SLC22A23: variants seen among roughly 807,000 people sequenced by gnomAD.
SLC22A23 encodes the protein ion transporter protein.
SLC22A23 carries 26 observed loss-of-function variants against 61.0 expected under a neutral mutation model. That is an observed-to-expected ratio of 0.43 (90% CI 0.31 to 0.59). The LOEUF (loss-of-function observed/expected upper bound fraction) is 0.59. Ranked by LOEUF, SLC22A23 falls within the 20% of genes least tolerant of loss-of-function variation. The pLI, the probability that SLC22A23 is intolerant of heterozygous loss-of-function variation, is 0.11. For synonymous variants in SLC22A23, 430 were observed against 413.9 expected (o/e 1.04, Z -0.47); for missense variants, 796 against 934.7 (o/e 0.85, Z 1.94).
chr6:3,429,071 T>A (rs1770691052), intron 1 of SLC22A23, among the ~76,000 whole-genome samples: 1 of 152,176 alleles, frequency 6.6e-6, no homozygotes, highest in African/African-American at 2.4e-5. Flanking sequence ...CCATGTATAT[T>A]TTGTTTGCCC....
At chr6:3,415,468 C>G (rs1035067718) in intron 2 of SLC22A23, among the ~76,000 whole-genome samples, 7 of 152,242 alleles carry the variant, frequency 4.6e-5, no homozygotes, top group Admixed American at 4.6e-4. Flanking sequence ...CAAGCTCTTT[C>G]TAATGAAACG....
At position 3,342,547 on chromosome 6, in the gene SLC22A23, C is replaced by T. The variant is rs1156450332; in HGVS notation, c.914-18545G>A. 6.6e-6 allele frequency among the ~76,000 whole-genome samples: 1 copy of T among 152,132 alleles called. No individual in the cohort carries two copies. Among genetic ancestry groups the T allele is most frequent in the Non-Finnish European group, 1.5e-5 (1 of 68,018 alleles). On this transcript the variant is annotated intron_variant, in intron 3 of 9. Coordinates refer to ENST00000406686, the MANE Select transcript of SLC22A23 (RefSeq NM_015482.2). This position sits in a 1 kb window ranked among gnomAD's most constrained non-coding sequence, Gnocchi z 4.0. ...CCTTGACCCACAGCATCAGAGTCCC[C>T]CGGGGCCCTGAGCCCAGATTCCCAG... is the stretch of plus-strand genomic sequence containing the variant.
chr6:3,389,134 G>A (rs953909921), intron 3 of SLC22A23, among the ~76,000 whole-genome samples: 3 of 151,718 alleles, frequency 2.0e-5, no homozygotes, highest in African/African-American at 7.3e-5. Context: ...TGGGTGTGGT[G>A]GAGCATGCCT....
chr6:3,316,031 C>G (rs932865958), intron 4 of SLC22A23, among the ~76,000 whole-genome samples: 2 of 152,172 alleles, frequency 1.3e-5, no homozygotes, highest in African/African-American at 4.8e-5. Flanking sequence ...TCTTAAAACA[C>G]ACGCTGCCAG....
Position 3,286,893 on chromosome 6 carries a change from G to A in SLC22A23, c.1512C>T (p.Ala504=). Residue 504 remains alanine, a synonymous_variant, in exon 7 of 10, where the codon GCC becomes GCT. Transcript: ENST00000406686. This position sits in a 1 kb window ranked among gnomAD's most constrained non-coding sequence, Gnocchi z 4.2. ...GGCCGAGCTGCAGGAGTGAGGCCAG[G>A]GCGGTGAGGATCATGAAGAGCAGCA... The part of the protein sequence containing the change: ...GGLLLFMILT[A]LASLLQLGLL... The A allele has an allele frequency of 6.2e-7, 1 of 1,611,192 alleles. No individual in the cohort carries two copies. Among genetic ancestry groups the A allele is most frequent in the African/African-American group, 1.3e-5 (1 of 75,000 alleles).
At chr6:3,385,742 C>T (rs1445555374) in intron 3 of SLC22A23, among the ~76,000 whole-genome samples, 1 of 152,184 alleles carries the variant, frequency 6.6e-6, no homozygotes, top group Non-Finnish European at 1.5e-5. Context: ...TCAGTGCCAG[C>T]CACTCCTGAC....
Position 3,273,099 on chromosome 6 carries a change from T to C in SLC22A23, c.2017A>G (p.Thr673Ala). 1.3e-6 allele frequency: 2 copies of C among 1,595,452 alleles called. No homozygotes were observed. The highest frequency in any genetic ancestry group is 1.7e-6 in the Non-Finnish European group (2 of 1,172,664). ...GLHDAAAAGDTLPEGATANGM... is the reference protein window; with the variant it reads ...GLHDAAAAGDALPEGATANGM... ...TTGGCCGTGGCACCCTCGGGCAGTG[T>C]GTCACCCGCGGCTGCGGCATCGTGG... The change falls in exon 10 of 10, where the codon ACA (threonine) becomes GCA (alanine). Residue 673 changes from threonine to alanine, a missense_variant. Transcript: ENST00000406686.
chr6:3,287,358 G>A (rs1364601141), intron 6 of SLC22A23, among the ~76,000 whole-genome samples: 1 of 152,236 alleles, frequency 6.6e-6, no homozygotes, highest in Non-Finnish European at 1.5e-5. Flanking sequence ...GGGCACAAGA[G>A]CAGTGAGTCC....
chr6:3,355,835 C>G (rs904983772), intron 3 of SLC22A23, among the ~76,000 whole-genome samples: 1 of 151,142 alleles, frequency 6.6e-6, no homozygotes, highest in Admixed American at 6.6e-5. Flanking sequence ...TCACTCATTC[C>G]CTGTCTCCGC....
intron 5 of SLC22A23, chr6:3,290,345 T>G (rs1760467423): frequency 9.2e-6 from 2 of 217,986 alleles, no homozygotes; most frequent in South Asian, 1.3e-4. Flanking sequence ...ATATGCTTCT[T>G]AGCCTTGTGG....
At chr6:3,339,357 G>A (rs1764028540) in intron 3 of SLC22A23, among the ~76,000 whole-genome samples, 1 of 152,082 alleles carries the variant, frequency 6.6e-6, no homozygotes, top group Admixed American at 6.5e-5. Context: ...CATTCCCCAG[G>A]TGCAGCTGAG....
intron 9 of SLC22A23, among the ~76,000 whole-genome samples, chr6:3,283,039 G>A (rs1157893267): frequency 2.0e-5 from 3 of 152,166 alleles, no homozygotes; most frequent in East Asian, 1.9e-4. Context: ...TGTCTGGCGC[G>A]CAGTGGGCTC....
At position 3,390,866 on chromosome 6, in the gene SLC22A23, C is replaced by T. The variant is rs1767617817; in HGVS notation, c.913+19322G>A. ...TTCCAATGCGGAAGCTGGAGTTCTGCCCAGAAGCCGCACCCAGAGATCTGA... is the reference window on the plus strand; with the variant it reads ...TTCCAATGCGGAAGCTGGAGTTCTGTCCAGAAGCCGCACCCAGAGATCTGA... On this transcript the variant is annotated intron_variant, in intron 3 of 9. Coordinates refer to ENST00000406686, the MANE Select transcript of SLC22A23 (RefSeq NM_015482.2). This position sits in a 1 kb window ranked among gnomAD's most constrained non-coding sequence, Gnocchi z 4.0. Among the ~76,000 whole-genome samples the T allele has an allele frequency of 6.6e-6, 1 of 152,186 alleles. No homozygotes were observed. The highest frequency in any genetic ancestry group is 1.5e-5 in the Non-Finnish European group (1 of 68,042).
intron 9 of SLC22A23, among the ~76,000 whole-genome samples, chr6:3,277,895 T>C (rs1027290633): frequency 5.3e-5 from 8 of 152,220 alleles, no homozygotes; most frequent in African/African-American, 1.9e-4. Flanking sequence ...AAAGGCAGAT[T>C]CTAGCAGACT....
At chr6:3,294,534 C>T (rs927536458) in intron 5 of SLC22A23, among the ~76,000 whole-genome samples, 2 of 152,206 alleles carry the variant, frequency 1.3e-5, no homozygotes, top group Non-Finnish European at 2.9e-5. Context: ...GGATGCTCAG[C>T]CTGTGAAACT....
At chr6:3,379,105 T>G (rs1399762120) in intron 3 of SLC22A23, among the ~76,000 whole-genome samples, 1 of 152,174 alleles carries the variant, frequency 6.6e-6, no homozygotes, top group Non-Finnish European at 1.5e-5. Context: ...CACAGTGTAA[T>G]TCTGGTGCCC....
rs1329726272 is a variant in SLC22A23, at chr6:3,317,438, C to T, written c.1082+6396G>A. ...CACCTCCTGCCACCTATCTTCCTAG[C>T]GCATCTAAGCAGAATTCCTCCTAGA... On this transcript the variant is annotated intron_variant, in intron 4 of 9. Transcript: ENST00000406686. This position sits in a 1 kb window ranked among gnomAD's most constrained non-coding sequence, Gnocchi z 4.4. Among the ~76,000 whole-genome samples, 5 of 152,172 alleles carry T rather than the reference C, an allele frequency of 3.3e-5. No individual in the cohort carries two copies. The highest frequency in any genetic ancestry group is 6.5e-5 in the Admixed American group (1 of 15,280).
In SLC22A23 at chr6:3,341,265, G is replaced by A. The variant is rs983458411; in HGVS notation, c.914-17263C>T. Among the ~76,000 whole-genome samples the A allele has an allele frequency of 5.9e-5, 9 of 152,274 alleles. No homozygotes were observed. In the East Asian group the frequency reaches 1.2e-3, roughly 20 times the overall value. ...GGAAAAATGTTAAATATGAAGGATT[G>A]AAATGCTAAAAAAAAGTTATGCCAT... On this transcript the variant is annotated intron_variant, in intron 3 of 9. Transcript: ENST00000406686.
chr6:3,441,313 T>C (rs781226293), intron 1 of SLC22A23, among the ~76,000 whole-genome samples: 1 of 152,086 alleles, frequency 6.6e-6, no homozygotes, highest in Non-Finnish European at 1.5e-5. Flanking sequence ...AGTCCTAAAA[T>C]CTCGTTCTTC....
Sources: allele counts gnomAD v4.1 joint callset (sites outside exome capture counted in the v4.1 genomes callset), GRCh38; gene constraint gnomAD v4.1.1; non-coding constraint Gnocchi (gnomAD v3.1); transcripts MANE v1.5; gene names NCBI Gene and HGNC (gene_info 2026-07-23, HGNC 2026-07-21).